Variants in STK38L observed in about 807,000 individuals in gnomAD.
The protein encoded by STK38L is serine/threonine-protein kinase 38-like.
Under a neutral mutation model 59.7 loss-of-function variants are expected in STK38L, and 28 were observed. That is an observed-to-expected ratio of 0.47 (90% CI 0.35 to 0.64). The LOEUF (loss-of-function observed/expected upper bound fraction) is 0.64, where lower values mean the gene tolerates loss of function less well. Among genes scored for constraint, STK38L ranks in the 30% least tolerant of loss-of-function variants. The probability of loss-of-function intolerance (pLI) is 0.01; values close to 1 mark genes in which losing one functional copy is unlikely to be tolerated. For missense variants in STK38L, 314 were observed against 555.8 expected (o/e 0.56, Z 4.37); for synonymous variants, 162 against 176.8 (o/e 0.92, Z 0.66).
At chr12:27,256,257 C>T (rs1943089969) in intron 1 of STK38L, among the ~76,000 whole-genome samples, 1 of 152,186 alleles carries the variant, frequency 6.6e-6, no homozygotes, top group South Asian at 2.1e-4. Flanking sequence ...AACTTTCATC[C>T]TTAAAATTTC....
chr12:27,306,944 T>A (rs1181107488), intron 3 of STK38L, among the ~76,000 whole-genome samples: 1 of 152,144 alleles, frequency 6.6e-6, no homozygotes, highest in Non-Finnish European at 1.5e-5. Context: ...TTGGCCAGGA[T>A]GGTCTCGATC....
chr12:27,257,188 A>G (rs570023463), intron 1 of STK38L, among the ~76,000 whole-genome samples: 1 of 152,322 alleles, frequency 6.6e-6, no homozygotes, highest in Admixed American at 6.5e-5. Flanking sequence ...TGGTGAGCAC[A>G]CTCTCATCAC....
intron 1 of STK38L, among the ~76,000 whole-genome samples, chr12:27,269,053 T>G (rs377650804): frequency 1.3e-5 from 2 of 152,226 alleles, no homozygotes; most frequent in Non-Finnish European, 2.9e-5. Flanking sequence ...CAAAAATTTT[T>G]TCCCATTCTG....
At chr12:27,303,536 G>A (rs1944231871) in intron 3 of STK38L, among the ~76,000 whole-genome samples, 1 of 152,178 alleles carries the variant, frequency 6.6e-6, no homozygotes, top group African/African-American at 2.4e-5. Context: ...CAGCTGTCTG[G>A]CAGAGAGCTA....
chr12:27,273,066 T>A (rs1214521586), intron 1 of STK38L, among the ~76,000 whole-genome samples: 2 of 152,234 alleles, frequency 1.3e-5, no homozygotes, highest in South Asian at 2.1e-4. Context: ...TTTTTTTTTT[T>A]AAGATCCTCA....
chr12:27,277,392 CCACA>C (rs58648742), intron 1 of STK38L, among the ~76,000 whole-genome samples: 7,352 of 148,710 alleles, frequency 0.049, 204 homozygotes, highest in Middle Eastern at 0.11. Context: ...CTGGAAGGAA[CCACA>C]CACACACACA....
chr12:27,281,749 T>C (rs1460894744), intron 1 of STK38L, among the ~76,000 whole-genome samples: 2 of 152,038 alleles, frequency 1.3e-5, no homozygotes, highest in Non-Finnish European at 2.9e-5. Flanking sequence ...AAAGAGTAAA[T>C]TGAGGCGAGG....
chr12:27,297,996 CAT>C, intron 2 of STK38L, 142 bp downstream of exon 2: 2 of 997,936 alleles, frequency 2.0e-6, no homozygotes, highest in East Asian at 2.5e-5. Context: ...TGACAGTGCA[CAT>C]AGACATGTGT....
At chr12:27,318,324 C>A (rs2136652135) in intron 11 of STK38L, among the ~76,000 whole-genome samples, 1 of 152,234 alleles carries the variant, frequency 6.6e-6, no homozygotes, top group East Asian at 1.9e-4. Context: ...ATGTTAATAG[C>A]AGATTCCTGT....
intron 1 of STK38L, among the ~76,000 whole-genome samples, chr12:27,245,475 G>A (rs1244171220): frequency 6.6e-6 from 1 of 152,078 alleles, no homozygotes; most frequent in African/African-American, 2.4e-5. Flanking sequence ...TTAAGGCAGG[G>A]CCTATTGTAC....
intron 1 of STK38L, among the ~76,000 whole-genome samples, chr12:27,267,430 C>A (rs1943323008): frequency 6.6e-6 from 1 of 152,112 alleles, no homozygotes; most frequent in South Asian, 2.1e-4. Context: ...ACAACCACAA[C>A]AACAAAAAAT....
At chr12:27,282,179 A>C (rs1943674786) in intron 1 of STK38L, among the ~76,000 whole-genome samples, 1 of 152,238 alleles carries the variant, frequency 6.6e-6, no homozygotes, top group Non-Finnish European at 1.5e-5. Flanking sequence ...TTACATTCTC[A>C]ACTTTCGAGT....
intron 3 of STK38L, among the ~76,000 whole-genome samples, chr12:27,304,274 A>AAG (rs1179016711): frequency 6.6e-6 from 1 of 151,664 alleles, no homozygotes; most frequent in African/African-American, 2.4e-5. Flanking sequence ...AAAAAAAAAA[A>AAG]AAAAAAGAGT....
chr12:27,313,196 C>T (rs931105371), intron 6 of STK38L, among the ~76,000 whole-genome samples: 1 of 148,288 alleles, frequency 6.7e-6, no homozygotes, highest in African/African-American at 2.5e-5. Context: ...TGCAGTGAGC[C>T]GAGATAGCGC....
chr12:27,248,487 T>A (rs956561933), intron 1 of STK38L, among the ~76,000 whole-genome samples: 1 of 152,208 alleles, frequency 6.6e-6, no homozygotes, highest in Admixed American at 6.5e-5. Flanking sequence ...ACAAATTCAA[T>A]TGGATTTAAA....
chr12:27,280,654 G>C (rs1943634354), intron 1 of STK38L, among the ~76,000 whole-genome samples: 2 of 152,178 alleles, frequency 1.3e-5, no homozygotes, highest in Admixed American at 6.5e-5. Context: ...GTGGTGATAA[G>C]GACGGAGATA....
intron 1 of STK38L, among the ~76,000 whole-genome samples, chr12:27,284,873 G>A (rs1361025514): frequency 6.6e-6 from 1 of 152,176 alleles, no homozygotes; most frequent in Non-Finnish European, 1.5e-5. Flanking sequence ...ATCTTAATGG[G>A]ATGGATGCCT....
In STK38L at chr12:27,252,341, GTATTCACTTCT is replaced by G. The variant is rs553307988; in HGVS notation, c.-12+8010_-12+8020del. On this transcript the variant is annotated intron_variant, in intron 1 of 13. Coordinates refer to ENST00000389032, the MANE Select transcript of STK38L (RefSeq NM_015000.4). Reference sequence around the variant, plus strand: ...TAAAAGAATGGATAAGCTGCAAGTAGTATTCACTTCTGGAAAGTGATAATGTTTGAGAGCTC... The same window carrying G: ...TAAAAGAATGGATAAGCTGCAAGTAGGGAAAGTGATAATGTTTGAGAGCTC... Among the ~76,000 whole-genome samples the G allele has an allele frequency of 2.5e-3, 387 of 152,310 alleles. 2 individuals are homozygous for G. The highest frequency in any genetic ancestry group is 8.9e-3 in the African/African-American group (369 of 41,560).
At position 27,302,173 on chromosome 12, in the gene STK38L, A is replaced by C. The variant is rs1282480401; in HGVS notation, c.171A>C (p.Gly57=). ...KKLEVAMEEE[G]LADEEKKLRR... is the part of the protein sequence containing the mutation. Reference sequence around the variant, plus strand: ...TAGAAGTGGCCATGGAAGAAGAAGGATTAGCAGATGAAGAGGTAATGTAAT... The same window carrying C: ...TAGAAGTGGCCATGGAAGAAGAAGGCTTAGCAGATGAAGAGGTAATGTAAT... The change falls in exon 3 of 14, where the codon GGA becomes GGC. Residue 57 remains glycine, a synonymous_variant. Transcript: ENST00000389032. The C allele has an allele frequency of 6.2e-7, 1 of 1,607,736 alleles. No individual in the cohort carries two copies. Among genetic ancestry groups the C allele is most frequent in the Non-Finnish European group, 8.5e-7 (1 of 1,177,212 alleles).
Sources: allele counts gnomAD v4.1 joint callset (sites outside exome capture counted in the v4.1 genomes callset), GRCh38; gene constraint gnomAD v4.1.1; transcripts MANE v1.5; gene names NCBI Gene and HGNC (gene_info 2026-07-23, HGNC 2026-07-21).